Variants in PTTG1IP2 observed in about 807,000 individuals in gnomAD.
PTTG1IP2 encodes PTTG1IP family member 2.
intron 4 of PTTG1IP2, among the ~76,000 whole-genome samples, chr7:90,489,620 T>C (rs1797916540): frequency 6.6e-6 from 1 of 151,890 alleles, no homozygotes. Context: ...TTACATTCTG[T>C]TCTGTGGCCA....
At chr7:90,503,541 C>A (rs938196363) in intron 6 of PTTG1IP2, among the ~76,000 whole-genome samples, 2 of 152,194 alleles carry the variant, frequency 1.3e-5, no homozygotes, top group South Asian at 2.1e-4. Context: ...ATGTGCAACT[C>A]TTCCTTTCAC....
intron 1 of PTTG1IP2, among the ~76,000 whole-genome samples, chr7:90,477,481 G>A (rs1272097218): frequency 1.3e-5 from 2 of 152,160 alleles, no homozygotes; most frequent in East Asian, 3.9e-4. Context: ...TTCGCTCTTA[G>A]CCAAAACTCT....
intron 6 of PTTG1IP2, among the ~76,000 whole-genome samples, chr7:90,503,807 C>A (rs1463127205): frequency 1.3e-5 from 2 of 152,068 alleles, no homozygotes; most frequent in African/African-American, 4.8e-5. Flanking sequence ...CAATAATGAA[C>A]AACTTTGAAA....
intron 6 of PTTG1IP2, among the ~76,000 whole-genome samples, chr7:90,495,483 C>A (rs935012351): frequency 6.6e-6 from 1 of 152,194 alleles, no homozygotes; most frequent in African/African-American, 2.4e-5. Context: ...TGTGTGTGCA[C>A]ATTTGCCTTT....
chr7:90,507,838 G>A (rs544398031), intron 6 of PTTG1IP2, among the ~76,000 whole-genome samples: 1 of 152,236 alleles, frequency 6.6e-6, no homozygotes, highest in East Asian at 1.9e-4. Context: ...CCTATTATGA[G>A]CCTATTATGT....
At chr7:90,511,037 T>A (rs1798184022) in intron 6 of PTTG1IP2, among the ~76,000 whole-genome samples, 1 of 152,136 alleles carries the variant, frequency 6.6e-6, no homozygotes, top group Non-Finnish European at 1.5e-5. Context: ...CCAGTCATCA[T>A]CTCTGTGACA....
chr7:90,496,380 A>G (rs1797991894), intron 6 of PTTG1IP2, among the ~76,000 whole-genome samples: 1 of 151,922 alleles, frequency 6.6e-6, no homozygotes, highest in Non-Finnish European at 1.5e-5. Context: ...GGTGTGTTGT[A>G]TTTGTCTAGG....
Position 90,491,945 on chromosome 7 carries a change from A to G in PTTG1IP2, c.381-294A>G, listed in dbSNP as rs150887952. Among the ~76,000 whole-genome samples, 1,175 of 152,204 alleles carry G rather than the reference A, an allele frequency of 7.7e-3. 23 individuals are homozygous for G. Among genetic ancestry groups the G allele is most frequent in the African/African-American group, 0.027 (1,124 of 41,524 alleles). Reference sequence around the variant, plus strand: ...CAGGAGTTCAAGACCAGCCTGGCCAACATGGTGAAACCCTGTCTCTACTAA... The same window carrying G: ...CAGGAGTTCAAGACCAGCCTGGCCAGCATGGTGAAACCCTGTCTCTACTAA... On this transcript the variant is annotated intron_variant, in intron 4 of 6. Transcript: ENST00000509356.
At chr7:90,498,481 T>C (rs1055553740) in intron 6 of PTTG1IP2, among the ~76,000 whole-genome samples, 5 of 152,274 alleles carry the variant, frequency 3.3e-5, no homozygotes, top group Admixed American at 2.6e-4. Flanking sequence ...GAAGAAGATA[T>C]TCAACACAAA....
intron 6 of PTTG1IP2, among the ~76,000 whole-genome samples, chr7:90,498,977 A>G (rs573574952): frequency 2.0e-4 from 31 of 152,154 alleles, no homozygotes; most frequent in African/African-American, 7.2e-4. Flanking sequence ...TAAGCCTCTC[A>G]AGTATCCAAG....
chr7:90,473,233 A>G (rs177664), intron 1 of PTTG1IP2, among the ~76,000 whole-genome samples: 85,081 of 152,022 alleles, frequency 0.56, 25,114 homozygotes, highest in East Asian at 0.91. Flanking sequence ...TGGGGTACAG[A>G]CAAGGCAGCT....
chr7:90,506,299 T>C (rs960197149), intron 6 of PTTG1IP2, among the ~76,000 whole-genome samples: 1 of 152,184 alleles, frequency 6.6e-6, no homozygotes, highest in Non-Finnish European at 1.5e-5. Flanking sequence ...ATTGGTAAAA[T>C]TGAATAATGA....
rs911067695 is a variant in PTTG1IP2 at position 90,513,334 on chromosome 7, A to G, written c.*107A>G. The G allele has an allele frequency of 3.3e-5, 5 of 152,652 alleles. No homozygotes were observed. The highest frequency in any genetic ancestry group is 2.9e-5 in the Non-Finnish European group (2 of 68,040). 9.5% of individuals were successfully genotyped at this position (152,652 alleles called of 1,614,324 possible). A position where few individuals can be genotyped will look rare whatever the true frequency, so the allele number is the denominator to read the frequency against. On this transcript the variant is annotated 3_prime_UTR_variant, in exon 7 of 7. Transcript: ENST00000509356. ...CCTCTTTGAGAATGATTGAACTTCCAAATTCCCTGAAGTTAAAATTTTAAA... is the reference window on the plus strand; with the variant it reads ...CCTCTTTGAGAATGATTGAACTTCCGAATTCCCTGAAGTTAAAATTTTAAA...
chr7:90,481,086 T>TCA (rs1797810638), intron 2 of PTTG1IP2, among the ~76,000 whole-genome samples: 1 of 152,210 alleles, frequency 6.6e-6, no homozygotes, highest in South Asian at 2.1e-4. Context: ...AGATAAGATT[T>TCA]TTTGTCTAGC....
intron 6 of PTTG1IP2, among the ~76,000 whole-genome samples, chr7:90,508,275 AAAAAAG>A (rs1798146972): frequency 7.7e-6 from 1 of 130,044 alleles, no homozygotes; most frequent in Non-Finnish European, 1.8e-5. Flanking sequence ...AAAAAAAAAA[AAAAAAG>A]AAAAGAAAAG....
At chr7:90,508,129 TG>T (rs1320885953) in intron 6 of PTTG1IP2, among the ~76,000 whole-genome samples, 1 of 151,408 alleles carries the variant, frequency 6.6e-6, no homozygotes. Context: ...CCAGGCATGG[TG>T]GTGGTGCACG....
chr7:90,496,106 C>T (rs193016281), intron 6 of PTTG1IP2, among the ~76,000 whole-genome samples: 2 of 152,030 alleles, frequency 1.3e-5, no homozygotes, highest in South Asian at 2.1e-4. Flanking sequence ...GATATTAGCC[C>T]GCAATTTTCT....
chr7:90,490,108 A>G (rs1216036521), intron 4 of PTTG1IP2, among the ~76,000 whole-genome samples: 1 of 151,964 alleles, frequency 6.6e-6, no homozygotes, highest in African/African-American at 2.4e-5. Context: ...GCTCTACTGA[A>G]TTAGGAGAAT....
chr7:90,477,468 C>G (rs1026319476), intron 1 of PTTG1IP2, among the ~76,000 whole-genome samples: 1 of 152,218 alleles, frequency 6.6e-6, no homozygotes, highest in Non-Finnish European at 1.5e-5. Flanking sequence ...GGAACTTCCT[C>G]TCTTCGCTCT....
Sources: allele counts gnomAD v4.1 joint callset (sites outside exome capture counted in the v4.1 genomes callset), GRCh38; gene constraint gnomAD v4.1.1; transcripts MANE v1.5; gene names NCBI Gene and HGNC (gene_info 2026-07-23, HGNC 2026-07-21).